Variants in CENPA observed in about 807,000 individuals in gnomAD.
CENPA encodes centromere protein A, also known as histone H3-like centromeric protein A.
In CENPA, 7 loss-of-function variants were observed where a neutral mutation model predicts 17.2. The observed-to-expected ratio is 0.41, with a 90% CI of 0.23 to 0.76. The LOEUF is 0.76. CENPA is among the 30% of genes least tolerant of loss of function. The probability of loss-of-function intolerance (pLI) is 0.34; values close to 1 mark genes in which losing one functional copy is unlikely to be tolerated. For missense variants in CENPA, 149 were observed against 193.1 expected (o/e 0.77, Z 1.35); for synonymous variants, 82 against 77.4 (o/e 1.06, Z -0.31).
intron 1 of CENPA, among the ~76,000 whole-genome samples, chr2:26,790,342 T>C (rs1272206732): frequency 6.6e-6 from 1 of 152,202 alleles, no homozygotes; most frequent in Non-Finnish European, 1.5e-5. Flanking sequence ...ATATTTTTGT[T>C]TGAGACACAG....
chr2:26,792,217 A>G lies in CENPA; in HGVS notation c.187A>G (p.Arg63Gly). The change falls in exon 2 of 5, where the codon AGG becomes GGG. Residue 63 changes from arginine to glycine, a missense_variant. By Grantham distance (125) the Arg-to-Gly change is moderately radical. Around this residue, in one of 2 missense-constraint regions of CENPA, gnomAD observed 54 missense variants for 105.7 expected, o/e 0.51. Transcript: ENST00000335756. ...TCAGAAGAGCACACACCTCTTGATA[A>G]GGAAGCTGCCCTTCAGCCGCCTGGT... The part of the protein sequence containing the change: ...KLQKSTHLLI[R>G]KLPFSRLARE... The G allele has an allele frequency of 6.2e-7, 1 of 1,613,736 alleles. No individual in the cohort carries two copies. The highest frequency in any genetic ancestry group is 8.5e-7 in the Non-Finnish European group (1 of 1,179,870).
chr2:26,787,553 T>C (rs1484118931), intron 1 of CENPA, among the ~76,000 whole-genome samples: 3 of 151,442 alleles, frequency 2.0e-5, no homozygotes, highest in African/African-American at 7.3e-5. Context: ...TTGAGACCCA[T>C]CGCCCAGGTT....
Position 26,786,280 on chromosome 2 carries a change from G to A in CENPA, c.84G>A (p.Arg28=), listed in dbSNP as rs1664507114. The A allele has an allele frequency of 3.0e-6, 4 of 1,342,594 alleles. No homozygotes were observed. The allele number at this position is 1,342,594 out of a possible 1,614,324, so 83.2% of individuals were successfully genotyped here. Residue 28 remains arginine (R), a synonymous_variant, in exon 1 of 5, where the codon CGG becomes CGA. Coordinates refer to ENST00000335756, the MANE Select transcript of CENPA (RefSeq NM_001809.4). ...PSPTPTPGPS[R]RGPSLGASSH... ...CGACCCCGACCCCCGGCCCCTCCCG[G>A]CGGGGCCCCTCCTTAGGTAACCGGC...
At chr2:26,786,435 CG>C in intron 1 of CENPA, 139 bp downstream of exon 1, 1 of 1,164,816 alleles carries the variant, frequency 8.6e-7, no homozygotes, top group Non-Finnish European at 1.1e-6. Flanking sequence ...GCTCCGGGCA[CG>C]GGCGGTGCCA....
At chr2:26,787,587 T>A (rs1009889793) in intron 1 of CENPA, among the ~76,000 whole-genome samples, 6 of 148,222 alleles carry the variant, frequency 4.0e-5, no homozygotes, top group Non-Finnish European at 6.0e-5. Context: ...GCCACGAGGG[T>A]TCACTGCAGC....
In CENPA at chr2:26,793,181, G is replaced by C. The variant is rs756721845; in HGVS notation, c.325G>C (p.Ala109Pro). ...ATTTCTAGTTCATCTCTTTGAGGACGCCTATCTCCTCACCTTACATGCAGG... is the reference window on the plus strand; with the variant it reads ...ATTTCTAGTTCATCTCTTTGAGGACCCCTATCTCCTCACCTTACATGCAGG... ...EAFLVHLFED[A>P]YLLTLHAGRV... The change falls in exon 4 of 5, where the codon GCC (alanine) becomes CCC (proline). Residue 109 changes from alanine (A) to proline (P), a missense_variant. By Grantham distance (27) the Ala-to-Pro change is conservative. This residue lies in a region of CENPA where 54 missense variants were observed against 105.7 expected (regional missense o/e 0.51). Transcript: ENST00000335756. 6.2e-7 allele frequency: 1 copy of C among 1,613,966 alleles called. No homozygotes were observed. The highest frequency in any genetic ancestry group is 8.5e-7 in the Non-Finnish European group (1 of 1,180,018).
Position 26,793,246 on chromosome 2 carries a change from G to A in CENPA, c.390G>A (p.Arg130=). The A allele has an allele frequency of 6.2e-7, 1 of 1,614,144 alleles. No homozygotes were observed. Among genetic ancestry groups the A allele is most frequent in the Non-Finnish European group, 8.5e-7 (1 of 1,180,028 alleles). Residue 130 remains arginine, a synonymous_variant, in exon 4 of 5, where the codon CGG becomes CGA. Transcript: ENST00000335756. Reference sequence around the variant, plus strand: ...TCCCAAAGGATGTGCAACTGGCCCGGAGGATCCGGGGCCTTGAGGAGGGAC... The same window carrying A: ...TCCCAAAGGATGTGCAACTGGCCCGAAGGATCCGGGGCCTTGAGGAGGGAC... ...TLFPKDVQLA[R]RIRGLEEGLG
intron 1 of CENPA, among the ~76,000 whole-genome samples, chr2:26,786,874 T>A (rs546619530): frequency 7.9e-5 from 12 of 152,278 alleles, no homozygotes; most frequent in African/African-American, 2.9e-4. Context: ...CTCACTCTGT[T>A]GCCTTCCAGA....
At chr2:26,793,476 C>A in intron 4 of CENPA, 150 bp downstream of exon 4, 1 of 567,782 alleles carries the variant, frequency 1.8e-6, no homozygotes, top group Non-Finnish European at 3.0e-6. Context: ...GGTTTGTGCC[C>A]TTTTGTGCAA....
intron 1 of CENPA, among the ~76,000 whole-genome samples, chr2:26,789,150 A>G (rs1664571264): frequency 6.6e-6 from 1 of 151,300 alleles, no homozygotes; most frequent in Non-Finnish European, 1.5e-5. Context: ...CCTACAACCC[A>G]CTCCAATCTG....
intron 2 of CENPA, 193 bp downstream of exon 2, chr2:26,792,433 C>T (rs13016732): frequency 0.047 from 33,356 of 706,130 alleles, 1,279 homozygotes; most frequent in African/African-American, 0.15. Context: ...GATTTCTAAC[C>T]TCTACTACCT....
At chr2:26,790,344 G>A (rs1664592913) in intron 1 of CENPA, among the ~76,000 whole-genome samples, 1 of 151,632 alleles carries the variant, frequency 6.6e-6, no homozygotes, top group Non-Finnish European at 1.5e-5. Context: ...ATTTTTGTTT[G>A]AGACACAGTC....
Position 26,786,092 on chromosome 2 carries a change from G to C in CENPA, c.-105G>C, listed in dbSNP as rs376215364. ...AAGCACCGGCTCATGTGAGGCTCGC[G>C]GCACAGCGTTCTCTGGGCTCCCCAG... On this transcript the variant is annotated 5_prime_UTR_variant, in exon 1 of 5. Transcript: ENST00000335756. 7.8e-6 allele frequency: 10 copies of C among 1,286,270 alleles called. No individual in the cohort carries two copies. Among genetic ancestry groups the C allele is most frequent in the Non-Finnish European group, 9.8e-6 (10 of 1,015,772 alleles). 79.7% of individuals were successfully genotyped at this position (1,286,270 alleles called of 1,614,324 possible).
rs1445559127 is a variant in CENPA at position 26,786,213 on chromosome 2, G to T, written c.17G>T (p.Arg6Leu). 1.4e-6 allele frequency: 2 copies of T among 1,440,670 alleles called. No homozygotes were observed. The highest frequency in any genetic ancestry group is 1.8e-6 in the Non-Finnish European group (2 of 1,103,106). 89.2% of individuals were successfully genotyped at this position (1,440,670 alleles called of 1,614,324 possible). The change falls in exon 1 of 5, where the codon CGG (arginine) becomes CTG (leucine). Residue 6 changes from arginine to leucine, a missense_variant. Arg to Leu is a moderately radical substitution (Grantham distance 102, BLOSUM62 -2). Around this residue, in one of 2 missense-constraint regions of CENPA, gnomAD observed 95 missense variants for 87.5 expected, o/e 1.09. Coordinates refer to ENST00000335756, the MANE Select transcript of CENPA (RefSeq NM_001809.4). ...CGGCGTGTCATGGGCCCGCGCCGCC[G>T]GAGCCGAAAGCCCGAGGCCCCGAGG... The part of the protein sequence containing the change: MGPRR[R>L]SRKPEAPRRR...
At chr2:26,792,959 C>T (rs62128416) in intron 3 of CENPA, 126 bp downstream of exon 3, 52,241 of 1,231,052 alleles carry the variant, frequency 0.042, 1,350 homozygotes, top group Middle Eastern at 0.057. Flanking sequence ...AATGAGGTAA[C>T]CTCTGAGGGT....
At chr2:26,789,245 A>C (rs1664572583) in intron 1 of CENPA, among the ~76,000 whole-genome samples, 1 of 152,078 alleles carries the variant, frequency 6.6e-6, no homozygotes, top group Non-Finnish European at 1.5e-5. Context: ...TGCCAAATCC[A>C]GTAGGTGGGT....
intron 1 of CENPA, 23 bp downstream of exon 1, chr2:26,786,319 C>A: frequency 7.6e-7 from 1 of 1,307,550 alleles, no homozygotes; most frequent in South Asian, 2.1e-5. Context: ...GGCCCCATCT[C>A]GAAGAGGAGA....
chr2:26,790,855 C>T (rs948222279), intron 1 of CENPA, among the ~76,000 whole-genome samples: 2 of 152,268 alleles, frequency 1.3e-5, no homozygotes, highest in Non-Finnish European at 2.9e-5. Flanking sequence ...GTCTCACCTA[C>T]CCTACTTGCT....
intron 1 of CENPA, among the ~76,000 whole-genome samples, chr2:26,790,774 G>A (rs1664601294): frequency 6.6e-6 from 1 of 152,212 alleles, no homozygotes; most frequent in South Asian, 2.1e-4. Context: ...TGTTTCATTG[G>A]CCTGTGTTCT....
Sources: gnomAD v4.1 joint callset for allele counts (sites outside exome capture counted in the v4.1 genomes callset) on GRCh38, gnomAD v4.1.1 for gene constraint, gnomAD v4.1.1 regional missense constraint, MANE v1.5 for transcripts, NCBI Gene and HGNC (gene_info 2026-07-23, HGNC 2026-07-21) for gene names.